The following PRKRIP1 variants were observed in gnomAD, a reference collection of about 807,000 sequenced individuals.
PRKRIP1 encodes PRKR-interacting protein 1.
A neutral mutation model predicts 29.3 loss-of-function variants in PRKRIP1; 29 were observed. That is an observed-to-expected ratio of 0.99 (90% confidence interval 0.74 to 1.35). PRKRIP1 has a LOEUF of 1.35. Ranked by LOEUF, PRKRIP1 falls within the 40% of genes most tolerant of loss-of-function variation. The probability of loss-of-function intolerance (pLI) is 0.00; values close to 1 mark genes in which losing one functional copy is unlikely to be tolerated. For missense variants in PRKRIP1, 247 were observed against 236.8 expected (o/e 1.04, Z -0.28); for synonymous variants, 90 against 85.1 (o/e 1.06, Z -0.32).
intron 2 of PRKRIP1, among the ~76,000 whole-genome samples, chr7:102,398,492 C>A (rs113489480): frequency 1.3e-5 from 2 of 152,160 alleles, no homozygotes; most frequent in Admixed American, 6.6e-5. Flanking sequence ...ACTATGTTGG[C>A]CAGGCTGGTC....
chr7:102,409,487 G>T (rs1796319657), intron 5 of PRKRIP1, among the ~76,000 whole-genome samples: 1 of 152,082 alleles, frequency 6.6e-6, no homozygotes, highest in Non-Finnish European at 1.5e-5. Context: ...TTGGAAATTT[G>T]AGACCAGCCT....
intron 5 of PRKRIP1, among the ~76,000 whole-genome samples, chr7:102,409,518 A>C (rs925276640): frequency 1.9e-4 from 29 of 151,950 alleles, no homozygotes; most frequent in African/African-American, 6.8e-4. Context: ...GTAAGACCCC[A>C]TCTCTACAAA....
intron 5 of PRKRIP1, among the ~76,000 whole-genome samples, chr7:102,415,668 T>TA (rs1403975670): frequency 6.6e-6 from 1 of 152,266 alleles, no homozygotes; most frequent in African/African-American, 2.4e-5. Flanking sequence ...TAACAATCCT[T>TA]ACAGCAGCCC....
At chr7:102,421,181 G>T (rs1013971690) in intron 5 of PRKRIP1, among the ~76,000 whole-genome samples, 1 of 152,186 alleles carries the variant, frequency 6.6e-6, no homozygotes, top group Admixed American at 6.5e-5. Flanking sequence ...TGACTGCCAC[G>T]CGTGACCTGA....
intron 4 of PRKRIP1, 69 bp downstream of exon 4, chr7:102,404,752 C>A: frequency 2.5e-6 from 3 of 1,181,174 alleles, no homozygotes; most frequent in Admixed American, 3.7e-5. Flanking sequence ...GCTGTCCTTG[C>A]AGTCAGTAGT....
intron 5 of PRKRIP1, chr7:102,423,495 G>A (rs1796754116): frequency 4.4e-6 from 1 of 227,616 alleles, no homozygotes; most frequent in Admixed American, 5.2e-5. Context: ...CTGTCTTAGT[G>A]AATAGGAGAT....
intron 5 of PRKRIP1, among the ~76,000 whole-genome samples, chr7:102,424,584 A>G (rs1279915788): frequency 6.6e-6 from 1 of 152,250 alleles, no homozygotes; most frequent in Non-Finnish European, 1.5e-5. Context: ...TGTGGGGGGC[A>G]GAGCCCTCTG....
chr7:102,408,329 GA>G (rs572591295), intron 5 of PRKRIP1, among the ~76,000 whole-genome samples: 11 of 152,302 alleles, frequency 7.2e-5, no homozygotes, highest in Admixed American at 3.3e-4. Context: ...ATAGAAAACA[GA>G]ACTGTTGTAA....
intron 5 of PRKRIP1, among the ~76,000 whole-genome samples, chr7:102,409,711 C>G (rs574055642): frequency 1.3e-5 from 2 of 151,990 alleles, no homozygotes; most frequent in South Asian, 2.1e-4. Context: ...GTCGTCCTAT[C>G]TAGTCTGGAG....
At chr7:102,417,890 G>A (rs113282493) in intron 5 of PRKRIP1, among the ~76,000 whole-genome samples, 13 of 151,940 alleles carry the variant, frequency 8.6e-5, no homozygotes, top group African/African-American at 2.9e-4. Context: ...CAAAAGTGCT[G>A]GAATTACAGG....
chr7:102,418,142 C>T (rs906182660), intron 5 of PRKRIP1, among the ~76,000 whole-genome samples: 6 of 151,420 alleles, frequency 4.0e-5, no homozygotes, highest in Admixed American at 1.3e-4. Context: ...CTCCGCCTCC[C>T]GGGTTCAAGC....
At chr7:102,419,871 G>C (rs968855027) in intron 5 of PRKRIP1, among the ~76,000 whole-genome samples, 10 of 150,602 alleles carry the variant, frequency 6.6e-5, no homozygotes, top group Non-Finnish European at 1.0e-4. Flanking sequence ...GTGTGTGTGT[G>C]TGTGTGTGTG....
chr7:102,418,665 C>T (rs782235207), intron 5 of PRKRIP1, among the ~76,000 whole-genome samples: 1 of 152,042 alleles, frequency 6.6e-6, no homozygotes, highest in Non-Finnish European at 1.5e-5. Context: ...TCTTTGCTAC[C>T]ACCATCCACT....
intron 5 of PRKRIP1, among the ~76,000 whole-genome samples, chr7:102,411,058 A>G (rs1291830379): frequency 2.0e-5 from 3 of 152,120 alleles, no homozygotes; most frequent in East Asian, 3.9e-4. Flanking sequence ...CCTCTTGAGT[A>G]GCTGGGCCTA....
rs368529734 is a variant in PRKRIP1, at chr7:102,404,569, G to A, written c.307-29G>A. ...TCCCACAGTCTGCCCAGACCAGAGC[G>A]TGTCTAAATGATGTGGGTTTTGTTG... On this transcript the variant is annotated intron_variant, in intron 3 of 5. Coordinates refer to ENST00000397912, the MANE Select transcript of PRKRIP1 (RefSeq NM_024653.4). 46 of 1,587,368 alleles carry A rather than the reference G, an allele frequency of 2.9e-5. No homozygotes were observed. In the African/African-American group the frequency reaches 4.6e-4, roughly 16 times the overall value.
chr7:102,404,521 T>G, intron 3 of PRKRIP1, 77 bp from the exon 4 acceptor site: 1 of 1,188,668 alleles, frequency 8.4e-7, no homozygotes, highest in Non-Finnish European at 1.2e-6. Context: ...TCTAGAACTC[T>G]CCTACTTTGC....
intron 5 of PRKRIP1, among the ~76,000 whole-genome samples, chr7:102,422,260 TC>T (rs1796715289): frequency 6.6e-6 from 1 of 150,648 alleles, no homozygotes; most frequent in African/African-American, 2.4e-5. Flanking sequence ...TTGCAACCCC[TC>T]CCTCCCGGGT....
intron 3 of PRKRIP1, among the ~76,000 whole-genome samples, chr7:102,403,754 AG>A (rs1554571479): frequency 6.6e-6 from 1 of 152,222 alleles, no homozygotes; most frequent in East Asian, 1.9e-4. Context: ...GAGTAGACTG[AG>A]GCTTGGAGAC....
rs1286678790 is a variant in PRKRIP1, at chr7:102,420,183, G to A, written c.458-4831G>A. The stretch of plus-strand genomic sequence containing the variant: ...TTACAGGCATGAGCCACCGTGCCTG[G>A]CCTTGTGTGCTAGTTTTTGTGTGCA... On this transcript the variant is annotated intron_variant, in intron 5 of 5. Coordinates refer to ENST00000397912, the MANE Select transcript of PRKRIP1 (RefSeq NM_024653.4). Among the ~76,000 whole-genome samples, 4 of 152,272 alleles carry A rather than the reference G, an allele frequency of 2.6e-5. No homozygotes were observed. The East Asian group carries it at 7.7e-4, about 29-fold the overall frequency.
Sources: allele counts gnomAD v4.1 joint callset (sites outside exome capture counted in the v4.1 genomes callset), GRCh38; gene constraint gnomAD v4.1.1; transcripts MANE v1.5; gene names NCBI Gene and HGNC (gene_info 2026-07-23, HGNC 2026-07-21).